CDC73: variants seen among roughly 807,000 people sequenced by gnomAD.
CDC73 encodes parafibromin.
Under a neutral mutation model 83.7 loss-of-function variants are expected in CDC73, and 21 were observed. That is an observed-to-expected ratio of 0.25 (90% CI 0.18 to 0.36). The LOEUF (loss-of-function observed/expected upper bound fraction) is 0.36. Among genes scored for constraint, CDC73 ranks in the 10% least tolerant of loss-of-function variants. The pLI is 1.00. For synonymous variants in CDC73, 224 were observed against 212.9 expected, an observed-to-expected ratio of 1.05 and a Z score of -0.45; for missense variants, 342 against 653.3, an observed-to-expected ratio of 0.52 and a Z score of 5.19.
chr1:193,180,617 C>T, intron 10 of CDC73: 1 of 1,614,064 alleles, frequency 6.2e-7, no homozygotes. Context: ...AAAACATAAC[C>T]AGTTCCAGAA....
At chr1:193,250,300 G>A (rs954891787) in intron 16 of CDC73, among the ~76,000 whole-genome samples, 1 of 151,808 alleles carries the variant, frequency 6.6e-6, no homozygotes, top group Non-Finnish European at 1.5e-5. Flanking sequence ...TACTAGTATA[G>A]TGTTCATAAA....
intron 13 of CDC73, among the ~76,000 whole-genome samples, chr1:193,229,305 A>ACG (rs1677616557): frequency 6.6e-6 from 1 of 152,246 alleles, no homozygotes; most frequent in Admixed American, 6.5e-5. Context: ...CCAGACCTTG[A>ACG]AACTACCCTG....
intron 10 of CDC73, 24 bp from the exon 11 acceptor site, chr1:193,203,771 A>AT (rs773399414): frequency 6.4e-7 from 1 of 1,574,404 alleles, no homozygotes; most frequent in Admixed American, 1.7e-5. Flanking sequence ...TTGATCTTAT[A>AT]TATCAATTCT....
In CDC73 at chr1:193,252,068, G is replaced by T. The variant is rs1678052363; in HGVS notation, c.*1356G>T. ...TGAAATTTAACACTGTCACAAAAAT[G>T]AGAAGTTATTATTTTTTAAGTGATC... On this transcript the variant is annotated 3_prime_UTR_variant, in exon 17 of 17. Transcript: ENST00000367435. 8.7e-6 allele frequency: 2 copies of T among 231,142 alleles called. No homozygotes were observed. Among genetic ancestry groups the T allele is most frequent in the Non-Finnish European group, 8.6e-6 (1 of 116,828 alleles). The allele number at this position is 231,142 out of a possible 1,614,324, so 14.3% of individuals were successfully genotyped here.
intron 16 of CDC73, among the ~76,000 whole-genome samples, chr1:193,250,379 A>G (rs999905331): frequency 6.6e-6 from 1 of 151,904 alleles, no homozygotes; most frequent in Admixed American, 6.6e-5. Flanking sequence ...AGTAAATACC[A>G]CTGAATCGGT....
Position 193,247,623 on chromosome 1 carries a change from A to C in CDC73, c.1418-2107A>C, listed in dbSNP as rs565016430. 2.0e-5 allele frequency among the ~76,000 whole-genome samples: 3 copies of C among 152,282 alleles called. No homozygotes were observed. The South Asian group carries it at 6.2e-4, about 32-fold the overall frequency. ...AACAGCTAAGTTGTGAATGCAAAAG[A>C]AAACTTCTTCAGGGAAGTTAAAAGT... On this transcript the variant is annotated intron_variant, in intron 15 of 16. Transcript: ENST00000367435.
chr1:193,165,311 A>G (rs937504919), intron 10 of CDC73, among the ~76,000 whole-genome samples: 5 of 152,246 alleles, frequency 3.3e-5, no homozygotes, highest in Non-Finnish European at 5.9e-5. Context: ...GTTTCTTAGC[A>G]TTGTATAAAA....
At chr1:193,250,135 C>A (rs549322604) in intron 16 of CDC73, among the ~76,000 whole-genome samples, 2 of 151,962 alleles carry the variant, frequency 1.3e-5, no homozygotes, top group Non-Finnish European at 2.9e-5. Context: ...CTCTAATTAT[C>A]TGTGTGACCT....
chr1:193,214,972 C>T (rs1396769250), intron 13 of CDC73, among the ~76,000 whole-genome samples: 1 of 152,174 alleles, frequency 6.6e-6, no homozygotes, highest in African/African-American at 2.4e-5. Context: ...GATGAATATA[C>T]AACACGCCCA....
At chr1:193,203,897 T>A (rs772172083) in intron 11 of CDC73, 45 bp downstream of exon 11, 1 of 1,524,032 alleles carries the variant, frequency 6.6e-7, no homozygotes, top group East Asian at 2.3e-5. Flanking sequence ...CAAAAGATCG[T>A]AACAGTGCAA....
intron 13 of CDC73, among the ~76,000 whole-genome samples, chr1:193,218,075 T>C (rs1007933831): frequency 8.5e-5 from 13 of 152,184 alleles, no homozygotes; most frequent in Non-Finnish European, 4.4e-5. Flanking sequence ...AAAATCACTG[T>C]ACAAAAATAA....
chr1:193,172,983 A>G (rs534946480), intron 10 of CDC73, among the ~76,000 whole-genome samples: 3 of 152,354 alleles, frequency 2.0e-5, no homozygotes, highest in South Asian at 4.1e-4. Flanking sequence ...TATGAATACT[A>G]TAGCAAGTTT....
intron 10 of CDC73, among the ~76,000 whole-genome samples, chr1:193,197,257 A>G (rs1435645352): frequency 2.0e-5 from 3 of 152,044 alleles, no homozygotes; most frequent in African/African-American, 7.2e-5. Flanking sequence ...TTGATTTTTC[A>G]TATGTTGAAC....
intron 10 of CDC73, among the ~76,000 whole-genome samples, chr1:193,202,815 A>G (rs1012447970): frequency 1.3e-5 from 2 of 152,020 alleles, no homozygotes; most frequent in East Asian, 1.9e-4. Context: ...ATAGCCTGCT[A>G]TTTCAAACAG....
chr1:193,254,286 T>G lies in CDC73; in HGVS notation c.*3574T>G, dbSNP rs1468260254. ...AAATAAGAACTATAGAAATTTGTTC[T>G]CAGCTGAAAAGTTGGCAGCTGCTCT... On this transcript the variant is annotated 3_prime_UTR_variant, in exon 17 of 17. Transcript: ENST00000367435. Among the ~76,000 whole-genome samples, 1 of 152,076 alleles carries G rather than the reference T, an allele frequency of 6.6e-6. No homozygotes were observed. The highest frequency in any genetic ancestry group is 1.5e-5 in the Non-Finnish European group (1 of 67,932).
intron 11 of CDC73, among the ~76,000 whole-genome samples, chr1:193,206,653 A>T (rs1234196988): frequency 6.6e-6 from 1 of 152,206 alleles, no homozygotes; most frequent in East Asian, 1.9e-4. Flanking sequence ...CAGTGTAAGA[A>T]GGGGGATTAT....
chr1:193,213,965 C>T (rs1279384558), intron 13 of CDC73, among the ~76,000 whole-genome samples: 1 of 152,180 alleles, frequency 6.6e-6, no homozygotes, highest in African/African-American at 2.4e-5. Flanking sequence ...CCAGGAGCCC[C>T]TTTTCTTCCC....
At chr1:193,175,634 A>G (rs1030352281) in intron 10 of CDC73, among the ~76,000 whole-genome samples, 16 of 152,372 alleles carry the variant, frequency 1.1e-4, no homozygotes, top group Admixed American at 8.5e-4. Context: ...ACAATACAGC[A>G]TAACAACTAT....
chr1:193,174,091 C>T (rs1676564574), intron 10 of CDC73, among the ~76,000 whole-genome samples: 1 of 151,202 alleles, frequency 6.6e-6, no homozygotes, highest in Non-Finnish European at 1.5e-5. Flanking sequence ...GAATTCTATC[C>T]ACAATTCCAT....
Sources: gnomAD v4.1 joint callset for allele counts (sites outside exome capture counted in the v4.1 genomes callset) on GRCh38, gnomAD v4.1.1 for gene constraint, MANE v1.5 for transcripts, NCBI Gene and HGNC (gene_info 2026-07-23, HGNC 2026-07-21) for gene names.